KCNG3: variants seen among roughly 807,000 people sequenced by gnomAD.
The protein encoded by KCNG3 is voltage-gated potassium channel regulatory subunit KCNG3.
A neutral mutation model predicts 29.0 loss-of-function variants in KCNG3; 15 were observed. The observed-to-expected ratio is 0.52, with a 90% confidence interval of 0.35 to 0.80. KCNG3 has a LOEUF of 0.80. Ranked by LOEUF, KCNG3 falls within the 30% of genes least tolerant of loss-of-function variation. KCNG3 has a pLI of 0.01. For missense variants in KCNG3, 512 were observed against 605.7 expected (o/e 0.85, Z 1.62); for synonymous variants, 322 against 248.9 (o/e 1.29, Z -2.76).
the KCNG3 span, among the ~76,000 whole-genome samples, chr2:42,396,666 C>T: frequency 1.3e-5 from 2 of 152,100 alleles, no homozygotes; most frequent in South Asian, 2.1e-4. Context: ...GGAAAGTTCA[C>T]GCCCAAACTT....
At chr2:42,487,276 G>C (rs1016858727) in intron 1 of KCNG3, among the ~76,000 whole-genome samples, 1 of 151,588 alleles carries the variant, frequency 6.6e-6, no homozygotes, top group Non-Finnish European at 1.5e-5. Flanking sequence ...CTTTTAATGG[G>C]GTCCTAAATT....
chr2:42,419,413 A>C, the KCNG3 span, among the ~76,000 whole-genome samples: 1 of 150,626 alleles, frequency 6.6e-6, no homozygotes, highest in African/African-American at 2.4e-5. Context: ...AATTTTTTGT[A>C]TTTTTAGTTA....
the KCNG3 span, among the ~76,000 whole-genome samples, chr2:42,411,499 G>C: frequency 1.3e-5 from 2 of 150,962 alleles, no homozygotes; most frequent in African/African-American, 2.4e-5. Flanking sequence ...TTTTTTGTTT[G>C]AGAGAGAGAG....
chr2:42,428,824 G>C, the KCNG3 span, among the ~76,000 whole-genome samples: 1 of 152,090 alleles, frequency 6.6e-6, no homozygotes, highest in African/African-American at 2.4e-5. Flanking sequence ...GATTCCTACA[G>C]AAACAGGCAC....
chr2:42,468,947 C>G (rs1490454791), intron 1 of KCNG3, among the ~76,000 whole-genome samples: 1 of 102,466 alleles, frequency 9.8e-6, no homozygotes, highest in Non-Finnish European at 1.9e-5. Context: ...CAGCAAGACT[C>G]CGTCTCCAAA....
downstream of KCNG3, among the ~76,000 whole-genome samples, chr2:42,437,930 C>A (rs977844347): frequency 1.4e-4 from 15 of 106,030 alleles, no homozygotes; most frequent in Admixed American, 6.3e-4. Flanking sequence ...AAGAGTGAAA[C>A]TCTGTCTCCA....
chr2:42,487,476 G>A (rs1673754267), intron 1 of KCNG3, among the ~76,000 whole-genome samples: 1 of 150,314 alleles, frequency 6.7e-6, no homozygotes, highest in Middle Eastern at 3.5e-3. Context: ...GACAAAACCA[G>A]AAAAAGGTAT....
At chr2:42,423,142 C>T in the KCNG3 span, among the ~76,000 whole-genome samples, 2 of 152,220 alleles carry the variant, frequency 1.3e-5, no homozygotes, top group Non-Finnish European at 2.9e-5. Context: ...TCCCAGGCTC[C>T]TCCAATCATT....
the KCNG3 span, among the ~76,000 whole-genome samples, chr2:42,417,386 T>C: frequency 6.6e-6 from 1 of 152,114 alleles, no homozygotes; most frequent in African/African-American, 2.4e-5. Context: ...AGCTGCACAA[T>C]TATGGCTTAC....
chr2:42,439,160 C>G (rs548929165), downstream of KCNG3, among the ~76,000 whole-genome samples: 2 of 152,110 alleles, frequency 1.3e-5, no homozygotes, highest in African/African-American at 4.8e-5. Context: ...GTTACTTATG[C>G]ATTTGTCTCA....
intron 1 of KCNG3, among the ~76,000 whole-genome samples, chr2:42,480,125 C>T (rs982695732): frequency 4.6e-5 from 7 of 152,150 alleles, no homozygotes; most frequent in Non-Finnish European, 1.5e-5. Context: ...CCAGAACTAT[C>T]ATGATTCAAT....
the KCNG3 span, among the ~76,000 whole-genome samples, chr2:42,430,820 G>A: frequency 3.3e-5 from 5 of 151,938 alleles, no homozygotes; most frequent in Non-Finnish European, 7.4e-5. Flanking sequence ...ATAAAAGACC[G>A]ATTTTTAGGC....
the KCNG3 span, among the ~76,000 whole-genome samples, chr2:42,397,593 G>A: frequency 2.0e-5 from 3 of 152,200 alleles, no homozygotes; most frequent in Admixed American, 2.0e-4. Flanking sequence ...AGAAAGTATT[G>A]TGATATTAGG....
the KCNG3 span, among the ~76,000 whole-genome samples, chr2:42,432,139 G>A: frequency 6.6e-6 from 1 of 152,108 alleles, no homozygotes; most frequent in Non-Finnish European, 1.5e-5. Context: ...TCAGGGCAAG[G>A]CCCGTTGATG....
chr2:42,421,371 TAG>T, the KCNG3 span, among the ~76,000 whole-genome samples: 1 of 152,194 alleles, frequency 6.6e-6, no homozygotes, highest in African/African-American at 2.4e-5. Flanking sequence ...TAATCTATTA[TAG>T]GGTTCAGTCA....
the KCNG3 span, among the ~76,000 whole-genome samples, chr2:42,433,749 A>C: frequency 1.1e-4 from 16 of 152,206 alleles, no homozygotes; most frequent in Admixed American, 9.2e-4. Context: ...AAACAAAACA[A>C]AACAAAACAA....
the KCNG3 span, among the ~76,000 whole-genome samples, chr2:42,393,291 T>C: frequency 6.8e-6 from 1 of 147,340 alleles, no homozygotes; most frequent in Admixed American, 6.9e-5. Context: ...CCAGGCACGG[T>C]GGTTCAGGCC....
downstream of KCNG3, among the ~76,000 whole-genome samples, chr2:42,441,719 C>G (rs1022177844): frequency 1.3e-4 from 1 of 7,986 alleles, no homozygotes; most frequent in African/African-American, 2.3e-4. Flanking sequence ...TATATATACA[C>G]ACACACATAT....
chr2:42,435,910 C>A, the KCNG3 span, among the ~76,000 whole-genome samples: 1 of 152,144 alleles, frequency 6.6e-6, no homozygotes, highest in Non-Finnish European at 1.5e-5. Context: ...GAAAAAGAAA[C>A]CCTATGTCCA....
Sources: gnomAD v4.1 joint callset for allele counts (sites outside exome capture counted in the v4.1 genomes callset) on GRCh38, gnomAD v4.1.1 for gene constraint, MANE v1.5 for transcripts, NCBI Gene and HGNC (gene_info 2026-07-23, HGNC 2026-07-21) for gene names.